PARD3B: variants seen among roughly 807,000 people sequenced by gnomAD.
PARD3B encodes partitioning defective 3 homolog B.
Under a neutral mutation model 130.2 loss-of-function variants are expected in PARD3B, and 103 were observed. The ratio of observed to expected loss-of-function variants is 0.79; its 90% CI spans 0.67 to 0.93. The LOEUF (loss-of-function observed/expected upper bound fraction) is 0.93, where lower values mean the gene tolerates loss of function less well. Ranked by LOEUF, PARD3B falls within the 40% of genes least tolerant of loss-of-function variation. The probability of loss-of-function intolerance (pLI) is 0.00; values close to 1 mark genes in which losing one functional copy is unlikely to be tolerated. For synonymous variants in PARD3B, 583 were observed against 553.2 expected, an observed-to-expected ratio of 1.05 and a Z score of -0.76; for missense variants, 1,609 against 1,499.2, an observed-to-expected ratio of 1.07 and a Z score of -1.21.
At chr2:205,023,452 CTTTTTTTTT>C (rs11319827) in intron 3 of PARD3B, among the ~76,000 whole-genome samples, 1 of 88,732 alleles carries the variant, frequency 1.1e-5, no homozygotes, top group East Asian at 3.7e-4. Flanking sequence ...ATGCCCACAC[CTTTTTTTTT>C]TTTTTTTTTT....
At chr2:205,555,174 C>A (rs1018224882) in intron 22 of PARD3B, among the ~76,000 whole-genome samples, 3 of 152,148 alleles carry the variant, frequency 2.0e-5, no homozygotes, top group African/African-American at 7.2e-5. Context: ...ATCTTCCTGA[C>A]CAATCTGCAC....
chr2:205,123,155 G>T (rs2030955080), intron 8 of PARD3B, among the ~76,000 whole-genome samples: 1 of 152,128 alleles, frequency 6.6e-6, no homozygotes, highest in Non-Finnish European at 1.5e-5. Flanking sequence ...ATAAGTAAAG[G>T]GTGCACTGCA....
At chr2:205,443,289 T>G (rs539925215) in intron 20 of PARD3B, among the ~76,000 whole-genome samples, 4 of 152,202 alleles carry the variant, frequency 2.6e-5, no homozygotes, top group Non-Finnish European at 5.9e-5. Context: ...ATACCATACG[T>G]ACTGTTAGAG....
At chr2:205,453,271 T>G (rs2048164790) in intron 20 of PARD3B, among the ~76,000 whole-genome samples, 1 of 152,130 alleles carries the variant, frequency 6.6e-6, no homozygotes, top group Admixed American at 6.5e-5. Flanking sequence ...TATAAGGGCA[T>G]GCACAAAGGC....
intron 21 of PARD3B, among the ~76,000 whole-genome samples, chr2:205,537,267 C>T (rs2051904551): frequency 1.3e-5 from 2 of 152,180 alleles, no homozygotes; most frequent in Non-Finnish European, 2.9e-5. Flanking sequence ...AGTAGATAAA[C>T]ATTCTTCTCC....
chr2:204,672,996 C>T (rs3856507), intron 1 of PARD3B, among the ~76,000 whole-genome samples: 101,803 of 152,114 alleles, frequency 0.67, 37,465 homozygotes, highest in South Asian at 0.81. Context: ...TATGTATGCC[C>T]GTGTATGTGA....
At chr2:205,526,210 C>T (rs1225000302) in intron 21 of PARD3B, among the ~76,000 whole-genome samples, 1 of 152,190 alleles carries the variant, frequency 6.6e-6, no homozygotes, top group Non-Finnish European at 1.5e-5. Context: ...TTATCCCTGT[C>T]CCTCTGTGTA....
intron 2 of PARD3B, among the ~76,000 whole-genome samples, chr2:204,958,641 A>G (rs946581541): frequency 3.3e-5 from 5 of 152,184 alleles, no homozygotes; most frequent in Admixed American, 1.3e-4. Flanking sequence ...AAGCCAGAGA[A>G]GGATAGCTAT....
chr2:205,193,712 T>G (rs979255972), intron 15 of PARD3B, among the ~76,000 whole-genome samples: 15 of 152,186 alleles, frequency 9.9e-5, no homozygotes, highest in African/African-American at 3.4e-4. Flanking sequence ...GGGAAAATCA[T>G]GTGGTTCAAA....
chr2:204,582,541 C>T (rs1259814667), intron 1 of PARD3B, among the ~76,000 whole-genome samples: 2 of 152,122 alleles, frequency 1.3e-5, no homozygotes, highest in African/African-American at 4.8e-5. Context: ...GAGTGACACC[C>T]AACTTCTTAG....
At chr2:205,614,162 A>G (rs959516046) in intron 22 of PARD3B, among the ~76,000 whole-genome samples, 1 of 152,224 alleles carries the variant, frequency 6.6e-6, no homozygotes, top group African/African-American at 2.4e-5. Context: ...GATAAAATGC[A>G]GTCATCTGCA....
chr2:204,819,524 G>A (rs141208989), intron 2 of PARD3B, among the ~76,000 whole-genome samples: 1 of 152,218 alleles, frequency 6.6e-6, no homozygotes, highest in African/African-American at 2.4e-5. Flanking sequence ...TAGGCCAATT[G>A]ATGACTCTAC....
chr2:205,279,837 G>GT (rs1474331842), intron 16 of PARD3B, among the ~76,000 whole-genome samples: 1 of 152,178 alleles, frequency 6.6e-6, no homozygotes, highest in East Asian at 1.9e-4. Flanking sequence ...GTTCTGGGAA[G>GT]TAAGTTCTCC....
rs970821029 is a variant in PARD3B at position 204,843,197 on chromosome 2, C to A, written c.223-121955C>A. 5.3e-5 allele frequency among the ~76,000 whole-genome samples: 8 copies of A among 152,002 alleles called. 1 individual carries two copies. The highest frequency in any genetic ancestry group is 5.2e-4 in the Admixed American group (8 of 15,264). On this transcript the variant is annotated intron_variant, in intron 2 of 22. Transcript: ENST00000406610. ...GGAGAGAAAAAAAAAATTAGACAAG[C>A]CTTCCCCAAAGGTTTGGCAGTCAGC...
At chr2:205,097,839 G>A (rs1404521290) in intron 4 of PARD3B, among the ~76,000 whole-genome samples, 3 of 33,378 alleles carry the variant, frequency 9.0e-5, no homozygotes, top group South Asian at 6.7e-4. Flanking sequence ...GCGTGTGTGT[G>A]TGTGTGTGTG....
rs758097501 is a variant in PARD3B, at chr2:205,366,259, G to A, written c.2631-34754G>A. 4.6e-5 allele frequency among the ~76,000 whole-genome samples: 7 copies of A among 152,094 alleles called. No homozygotes were observed. Among genetic ancestry groups the A allele is most frequent in the South Asian group, 2.1e-4 (1 of 4,828 alleles). On this transcript the variant is annotated intron_variant, in intron 18 of 22. Transcript: ENST00000406610. This position sits in a 1 kb window ranked among gnomAD's most constrained non-coding sequence, Gnocchi z 5.0. ...ATGGAAAGTGGAGACAGCCCATAGC[G>A]CTTTGTTTGAAGGAGTTAGAATTTT...
chr2:205,582,679 T>C (rs1385562804), intron 22 of PARD3B, among the ~76,000 whole-genome samples: 1 of 152,042 alleles, frequency 6.6e-6, no homozygotes, highest in Non-Finnish European at 1.5e-5. Context: ...TTTTTTTTTT[T>C]TTTCCTACGT....
intron 1 of PARD3B, among the ~76,000 whole-genome samples, chr2:204,597,106 A>G (rs188183166): frequency 2.0e-5 from 3 of 152,292 alleles, no homozygotes; most frequent in Non-Finnish European, 2.9e-5. Context: ...AGAATTGGGT[A>G]TGGGAAATTA....
At chr2:204,696,756 G>A (rs1338945871) in intron 2 of PARD3B, among the ~76,000 whole-genome samples, 1 of 152,050 alleles carries the variant, frequency 6.6e-6, no homozygotes, top group Non-Finnish European at 1.5e-5. Flanking sequence ...CAGAATTGCG[G>A]CAGGATTACT....
Sources: gnomAD v4.1 joint callset for allele counts (sites outside exome capture counted in the v4.1 genomes callset) on GRCh38, gnomAD v4.1.1 for gene constraint, Gnocchi (gnomAD v3.1) non-coding constraint, MANE v1.5 for transcripts, NCBI Gene and HGNC (gene_info 2026-07-23, HGNC 2026-07-21) for gene names.